The following ADGRL3 variants were observed in gnomAD, a reference collection of about 807,000 sequenced individuals.
The protein encoded by ADGRL3 is adhesion G protein-coupled receptor L3, also known as calcium-independent alpha-latrotoxin receptor 3.
In ADGRL3, 62 loss-of-function variants were observed where a neutral mutation model predicts 153.5. The observed-to-expected ratio is 0.40, with a 90% CI of 0.33 to 0.50. The LOEUF (loss-of-function observed/expected upper bound fraction) is 0.50. Among genes scored for constraint, ADGRL3 ranks in the 20% least tolerant of loss-of-function variants. The probability of loss-of-function intolerance (pLI) is 0.47; values close to 1 mark genes in which losing one functional copy is unlikely to be tolerated. For synonymous variants in ADGRL3, 710 were observed against 672.5 expected, an observed-to-expected ratio of 1.06 and a Z score of -0.86; for missense variants, 1,641 against 1,859.4, an observed-to-expected ratio of 0.88 and a Z score of 2.16.
intron 1 of ADGRL3, among the ~76,000 whole-genome samples, chr4:61,300,552 T>G (rs2094546849): frequency 6.6e-6 from 1 of 152,082 alleles, no homozygotes; most frequent in Non-Finnish European, 1.5e-5. Flanking sequence ...GGAACACCTA[T>G]TAAGGAAAAG....
chr4:61,674,807 G>A (rs192633052), intron 5 of ADGRL3, among the ~76,000 whole-genome samples: 2 of 152,020 alleles, frequency 1.3e-5, no homozygotes, highest in East Asian at 3.9e-4. Flanking sequence ...GACTTGAAGA[G>A]CTTCTTCAAA....
chr4:61,523,338 G>T (rs996355290), intron 4 of ADGRL3, among the ~76,000 whole-genome samples: 1 of 152,074 alleles, frequency 6.6e-6, no homozygotes, highest in Admixed American at 6.6e-5. Flanking sequence ...CCTTTTGGAT[G>T]TATCTCTTTG....
At chr4:61,274,933 C>A (rs2093389177) in intron 1 of ADGRL3, among the ~76,000 whole-genome samples, 1 of 152,090 alleles carries the variant, frequency 6.6e-6, no homozygotes, top group East Asian at 1.9e-4. Context: ...GTCTTCAAAA[C>A]AAAACAAGAT....
intron 8 of ADGRL3, among the ~76,000 whole-genome samples, chr4:61,767,361 G>T (rs915548678): frequency 5.3e-5 from 8 of 151,816 alleles, no homozygotes; most frequent in African/African-American, 1.5e-4. Context: ...AGTTTTAAGA[G>T]GTTTAGAAGC....
intron 9 of ADGRL3, among the ~76,000 whole-genome samples, chr4:61,819,235 T>C (rs754452512): frequency 5.3e-5 from 8 of 152,144 alleles, no homozygotes; most frequent in Non-Finnish European, 1.0e-4. Flanking sequence ...TTGTATGTTA[T>C]GGGTTTTTAT....
chr4:61,479,711 T>G (rs1175077047), intron 2 of ADGRL3, among the ~76,000 whole-genome samples: 2 of 152,158 alleles, frequency 1.3e-5, no homozygotes. Flanking sequence ...ACATGTATAT[T>G]AGAGGTGAAA....
chr4:61,713,220 T>G (rs924983409), intron 6 of ADGRL3, among the ~76,000 whole-genome samples: 4 of 152,142 alleles, frequency 2.6e-5, no homozygotes, highest in Admixed American at 2.6e-4. Context: ...TTGTGCTCAT[T>G]TCCTGCAATA....
At chr4:61,767,653 C>T (rs2097013425) in intron 8 of ADGRL3, among the ~76,000 whole-genome samples, 1 of 152,080 alleles carries the variant, frequency 6.6e-6, no homozygotes, top group Admixed American at 6.5e-5. Context: ...TTGAACAGTC[C>T]AATTTTCAGT....
chr4:61,561,976 C>A lies in ADGRL3; in HGVS notation c.260-25251C>A, dbSNP rs143455764. On this transcript the variant is annotated intron_variant, in intron 4 of 26. Transcript: ENST00000683033. ...TAGCTGGAAGATCCCTTTAGGAATT[C>A]ACATATCTATATCTATATCTATATG... Among the ~76,000 whole-genome samples the A allele has an allele frequency of 6.3e-3, 959 of 152,036 alleles. 16 individuals carry two copies. The highest frequency in any genetic ancestry group is 0.022 in the African/African-American group (909 of 41,412).
chr4:61,334,176 C>T (rs751042498), intron 1 of ADGRL3, among the ~76,000 whole-genome samples: 2 of 152,198 alleles, frequency 1.3e-5, no homozygotes, highest in Non-Finnish European at 2.9e-5. Flanking sequence ...CTCAGCCTCC[C>T]AAAGTGTTGG....
At chr4:61,471,035 T>C (rs182769313) in intron 2 of ADGRL3, among the ~76,000 whole-genome samples, 1 of 151,894 alleles carries the variant, frequency 6.6e-6, no homozygotes, top group African/African-American at 2.4e-5. Context: ...ATTATTCAAC[T>C]AAAAACATCC....
chr4:61,637,604 A>T (rs1021314105), intron 5 of ADGRL3, among the ~76,000 whole-genome samples: 2 of 152,086 alleles, frequency 1.3e-5, no homozygotes, highest in African/African-American at 4.8e-5. Flanking sequence ...TCTATGCAAA[A>T]ATACAAAAAT....
chr4:61,254,787 T>C (rs2091799907), intron 1 of ADGRL3, among the ~76,000 whole-genome samples: 1 of 152,196 alleles, frequency 6.6e-6, no homozygotes, highest in Non-Finnish European at 1.5e-5. Context: ...GCTGATTCTC[T>C]GGTTATCTGC....
chr4:61,691,759 G>A (rs1005617106), intron 6 of ADGRL3, among the ~76,000 whole-genome samples: 4 of 152,146 alleles, frequency 2.6e-5, no homozygotes, highest in African/African-American at 4.8e-5. Context: ...GTAAGCTCTT[G>A]AGATATTCTA....
chr4:61,307,110 A>G (rs1468117377), intron 1 of ADGRL3, among the ~76,000 whole-genome samples: 1 of 152,248 alleles, frequency 6.6e-6, no homozygotes, highest in East Asian at 1.9e-4. Context: ...TGAGGCGCAT[A>G]ATAAATAGGT....
intron 1 of ADGRL3, among the ~76,000 whole-genome samples, chr4:61,235,014 C>T (rs984642076): frequency 6.6e-6 from 1 of 152,016 alleles, no homozygotes; most frequent in Non-Finnish European, 1.5e-5. Flanking sequence ...ACAAGAAAAC[C>T]AACCAAATAA....
intron 5 of ADGRL3, among the ~76,000 whole-genome samples, chr4:61,617,873 A>T (rs1356930659): frequency 6.6e-6 from 1 of 152,128 alleles, no homozygotes; most frequent in African/African-American, 2.4e-5. Flanking sequence ...TCTAGCTAGG[A>T]TTTTCTCTGA....
At chr4:61,594,137 C>A (rs1431733711) in intron 5 of ADGRL3, among the ~76,000 whole-genome samples, 1 of 152,124 alleles carries the variant, frequency 6.6e-6, no homozygotes, top group Non-Finnish European at 1.5e-5. Context: ...TCTAGCATTT[C>A]TGCTTGATTC....
chr4:61,306,263 A>G (rs917089240), intron 1 of ADGRL3, among the ~76,000 whole-genome samples: 2 of 151,644 alleles, frequency 1.3e-5, no homozygotes, highest in Non-Finnish European at 2.9e-5. Flanking sequence ...ACGCCCGGCT[A>G]ATTTTTTTGT....
Sources: gnomAD v4.1 joint callset for allele counts (sites outside exome capture counted in the v4.1 genomes callset) on GRCh38, gnomAD v4.1.1 for gene constraint, MANE v1.5 for transcripts, NCBI Gene and HGNC (gene_info 2026-07-23, HGNC 2026-07-21) for gene names.